Variants in USP31 observed in about 807,000 individuals in gnomAD.
USP31 encodes the protein ubiquitin carboxyl-terminal hydrolase 31.
A neutral mutation model predicts 119.4 loss-of-function variants in USP31; 44 were observed. The ratio of observed to expected loss-of-function variants is 0.37; its 90% CI spans 0.29 to 0.47. The LOEUF (loss-of-function observed/expected upper bound fraction) is 0.47. Among genes scored for constraint, USP31 ranks in the 20% least tolerant of loss-of-function variants. USP31 has a pLI of 0.99. For missense variants in USP31, 1,643 were observed against 1,730.2 expected, an observed-to-expected ratio of 0.95 and a Z score of 0.89; for synonymous variants, 749 against 705.6, an observed-to-expected ratio of 1.06 and a Z score of -0.97.
At chr16:23,104,283 T>C (rs528668715) in intron 5 of USP31, among the ~76,000 whole-genome samples, 2 of 152,374 alleles carry the variant, frequency 1.3e-5, no homozygotes, top group South Asian at 2.1e-4. Context: ...TTAATGACCA[T>C]GTTGTTTTTC....
intron 1 of USP31, among the ~76,000 whole-genome samples, chr16:23,147,107 G>A (rs1467656245): frequency 6.6e-6 from 1 of 151,818 alleles, no homozygotes; most frequent in Non-Finnish European, 1.5e-5. Context: ...ACTTCACGCT[G>A]TTTTTGTTTT....
chr16:23,078,577 C>T (rs1900687664), intron 13 of USP31, among the ~76,000 whole-genome samples: 1 of 152,144 alleles, frequency 6.6e-6, no homozygotes, highest in South Asian at 2.1e-4. Context: ...TCTCTGCCCA[C>T]TGCTCACACC....
At chr16:23,112,994 C>A (rs180927374) in intron 1 of USP31, among the ~76,000 whole-genome samples, 1 of 151,504 alleles carries the variant, frequency 6.6e-6, no homozygotes, top group African/African-American at 2.4e-5. Context: ...TGCCATTGCA[C>A]TCCAGCCTGG....
At chr16:23,121,780 T>C (rs186505587) in intron 1 of USP31, among the ~76,000 whole-genome samples, 2,216 of 152,106 alleles carry the variant, frequency 0.015, 23 homozygotes, top group South Asian at 0.035. Context: ...ACAATGCTAG[T>C]GGTAAAATCC....
chr16:23,083,481 G>T (rs956142503), intron 11 of USP31, among the ~76,000 whole-genome samples: 4 of 151,232 alleles, frequency 2.6e-5, no homozygotes, highest in African/African-American at 9.7e-5. Context: ...CTGTTAAAAG[G>T]TATCCTGCTA....
At position 23,106,475 on chromosome 16, in the gene USP31, T is replaced by C. The variant is rs752869543; in HGVS notation, c.784A>G (p.Thr262Ala). The C allele has an allele frequency of 6.8e-6, 11 of 1,609,620 alleles. No individual in the cohort carries two copies. The Admixed American group carries it at 8.4e-5, about 12-fold the overall frequency. ...GQPPLKPPSE[T>A]DMMPEGPSFP... ...GATGGTCCCTCAGGCATCATATCAG[T>C]CTCTGATGGTGGCTAAAAAAAAAAG... is the stretch of plus-strand genomic sequence containing the variant. The change falls in exon 3 of 16, where the codon ACT becomes GCT. Residue 262 changes from threonine to alanine, a missense_variant. Physicochemically the swap from Thr to Ala is moderately conservative, Grantham distance 58. Coordinates refer to ENST00000219689, the MANE Select transcript of USP31 (RefSeq NM_020718.4).
intron 6 of USP31, among the ~76,000 whole-genome samples, chr16:23,096,179 G>A (rs542206244): frequency 7.9e-5 from 12 of 152,068 alleles, no homozygotes; most frequent in Admixed American, 3.3e-4. Context: ...CAAAAAAAAA[G>A]CAGGGGTTGC....
At chr16:23,126,876 TAC>T (rs1902876479) in intron 1 of USP31, among the ~76,000 whole-genome samples, 1 of 149,786 alleles carries the variant, frequency 6.7e-6, no homozygotes, top group African/African-American at 2.5e-5. Context: ...AGAACATGAA[TAC>T]ACACCCATAT....
intron 11 of USP31, among the ~76,000 whole-genome samples, chr16:23,082,758 T>C (rs1900888548): frequency 6.6e-6 from 1 of 151,840 alleles, no homozygotes; most frequent in African/African-American, 2.4e-5. Flanking sequence ...GTTGAATAGA[T>C]TATCCCTCAA....
Position 23,087,830 on chromosome 16 carries a change from C to T in USP31, c.1421G>A (p.Gly474Glu). 6.2e-7 allele frequency: 1 copy of T among 1,612,892 alleles called. No homozygotes were observed. The highest frequency in any genetic ancestry group is 1.1e-5 in the South Asian group (1 of 91,068). Residue 474 changes from glycine to glutamate, a missense_variant, in exon 8 of 16, where the codon GGA (glycine) becomes GAA (glutamate). Physicochemically the swap from Gly to Glu is moderately conservative, Grantham distance 98. This residue lies in a region of USP31 where 219 missense variants were observed against 226.4 expected (regional missense o/e 0.97). Transcript: ENST00000219689. Reference sequence around the variant, plus strand: ...CTCTAAGTGCAGCACAAAAGGCAGTCCAAATCTAACACACATCAACAATGT... The same window carrying T: ...CTCTAAGTGCAGCACAAAAGGCAGTTCAAATCTAACACACATCAACAATGT... ...ACTGQQGKRFGLPFVLHLEKT... is the reference protein window; with the variant it reads ...ACTGQQGKRFELPFVLHLEKT...
intron 1 of USP31, among the ~76,000 whole-genome samples, chr16:23,120,583 C>T (rs1042132174): frequency 3.3e-5 from 5 of 152,358 alleles, no homozygotes; most frequent in African/African-American, 7.2e-5. Context: ...CTACATCCAG[C>T]GGCCTTTTCA....
intron 10 of USP31, 91 bp from the exon 11 acceptor site, chr16:23,085,080 C>T: frequency 2.0e-6 from 3 of 1,469,856 alleles, no homozygotes; most frequent in Non-Finnish European, 2.7e-6. Context: ...ACTACAAACT[C>T]ATAACCGAAG....
In USP31 at chr16:23,080,051, G is replaced by A. The variant is rs776216078; in HGVS notation, c.2071C>T (p.Pro691Ser). 1 of 1,614,106 alleles carries A rather than the reference G, an allele frequency of 6.2e-7. No individual in the cohort carries two copies. The highest frequency in any genetic ancestry group is 1.1e-5 in the South Asian group (1 of 91,074). Residue 691 changes from proline (P) to serine (S), a missense_variant, in exon 13 of 16, where the codon CCG (proline) becomes TCG (serine). By Grantham distance (74) the Pro-to-Ser change is moderately conservative. Coordinates refer to ENST00000219689, the MANE Select transcript of USP31 (RefSeq NM_020718.4). ...SSWSLPSHWS[P>S]WRRPYGLGRD... Reference sequence around the variant, plus strand: ...CCGAGTCCATAGGGCCGTCTCCACGGGGACCAATGCGATGGCAAACTCCAG... The same window carrying A: ...CCGAGTCCATAGGGCCGTCTCCACGAGGACCAATGCGATGGCAAACTCCAG...
intron 1 of USP31, among the ~76,000 whole-genome samples, chr16:23,146,754 A>C (rs1903520407): frequency 6.6e-6 from 1 of 152,158 alleles, no homozygotes; most frequent in Admixed American, 6.5e-5. Context: ...ACCTTAACAA[A>C]GCAGATCCTC....
Position 23,068,376 on chromosome 16 carries a change from A to G in USP31, c.3729T>C (p.Asp1243=), listed in dbSNP as rs1900179509. ...TAGAGAGCAAGGCTGTCTTGCCAAG[A>G]TCCGTCGAGCGCCGGGTTTCCTTCT... is the stretch of plus-strand genomic sequence containing the variant. The part of the protein sequence containing the change: ...LRQKETRRST[D]LGKTALLSKK... The change falls in exon 16 of 16, where the codon GAT becomes GAC. Residue 1243 remains aspartate, a synonymous_variant. Transcript: ENST00000219689. The G allele has an allele frequency of 1.9e-6, 3 of 1,614,110 alleles. No individual in the cohort carries two copies. Among genetic ancestry groups the G allele is most frequent in the Non-Finnish European group, 2.5e-6 (3 of 1,180,032 alleles).
Position 23,137,622 on chromosome 16 carries a change from T to C in USP31, c.633+11016A>G, listed in dbSNP as rs182101788. Among the ~76,000 whole-genome samples the C allele has an allele frequency of 9.3e-3, 1,408 of 151,696 alleles. 18 individuals carry two copies. The highest frequency in any genetic ancestry group is 0.03 in the African/African-American group (1,225 of 41,352). On this transcript the variant is annotated intron_variant, in intron 1 of 15. Transcript: ENST00000219689. ...GACATATATATATGTGTTATACATA[T>C]ATATATATACATATAACATAACACA...
chr16:23,141,468 T>C (rs948533297), intron 1 of USP31, among the ~76,000 whole-genome samples: 10 of 151,534 alleles, frequency 6.6e-5, no homozygotes, highest in Non-Finnish European at 1.0e-4. Flanking sequence ...CACCTTGACC[T>C]CTTGGCTCAG....
At chr16:23,128,156 C>A (rs1423878031) in intron 1 of USP31, among the ~76,000 whole-genome samples, 2 of 152,184 alleles carry the variant, frequency 1.3e-5, no homozygotes, top group Non-Finnish European at 2.9e-5. Context: ...GAAATCACTC[C>A]TTTCTTAGAA....
Position 23,144,851 on chromosome 16 carries a change from A to G in USP31, c.633+3787T>C, listed in dbSNP as rs569546422. 3.3e-5 allele frequency among the ~76,000 whole-genome samples: 5 copies of G among 152,278 alleles called. No homozygotes were observed. The East Asian group carries it at 9.6e-4, about 29-fold the overall frequency. On this transcript the variant is annotated intron_variant, in intron 1 of 15. Transcript: ENST00000219689. ...TTAGCTAAAATAAAACCTTTTTTTAAAAAGTAATCAATTTGCCAGAGTTAC... is the reference window on the plus strand; with the variant it reads ...TTAGCTAAAATAAAACCTTTTTTTAGAAAGTAATCAATTTGCCAGAGTTAC...
Sources: allele counts gnomAD v4.1 joint callset (sites outside exome capture counted in the v4.1 genomes callset), GRCh38; gene constraint gnomAD v4.1.1; regional missense constraint gnomAD v4.1.1; transcripts MANE v1.5; gene names NCBI Gene and HGNC (gene_info 2026-07-23, HGNC 2026-07-21).